PCNX1: variants seen among roughly 807,000 people sequenced by gnomAD.
The protein encoded by PCNX1 is pecanex-like protein 1.
In PCNX1, 78 loss-of-function variants were observed where a neutral mutation model predicts 242.2. The ratio of observed to expected loss-of-function variants is 0.32; its 90% CI spans 0.27 to 0.39. The LOEUF (loss-of-function observed/expected upper bound fraction) is 0.39, where lower values mean the gene tolerates loss of function less well. Ranked by LOEUF, PCNX1 falls within the 10% of genes least tolerant of loss-of-function variation. The pLI is 1.00. For missense variants in PCNX1, 2,581 were observed against 2,856.5 expected (o/e 0.90, Z 2.20); for synonymous variants, 1,024 against 1,032.9 (o/e 0.99, Z 0.17).
rs1595533468 is a variant in PCNX1 at position 71,113,232 on chromosome 14, GATA to G, written c.*3300_*3302del. On this transcript the variant is annotated 3_prime_UTR_variant, in exon 36 of 36. Coordinates refer to ENST00000304743, the MANE Select transcript of PCNX1 (RefSeq NM_014982.3). Reference sequence around the variant, plus strand: ...TTCTTTGACTTTGTTACTGGAGGATGATAATCTATTTCTATTAGATTCGAAGTA... The same window carrying G: ...TTCTTTGACTTTGTTACTGGAGGATGATCTATTTCTATTAGATTCGAAGTA... 6.6e-6 allele frequency: 1 copy of G among 152,276 alleles called. No individual in the cohort carries two copies. Among genetic ancestry groups the G allele is most frequent in the East Asian group, 1.9e-4 (1 of 5,190 alleles). The allele number at this position is 152,276 out of a possible 1,614,324, so 9.4% of individuals were successfully genotyped here.
At position 71,090,805 on chromosome 14, in the gene PCNX1, T is replaced by C. The variant is rs79277107; in HGVS notation, c.5589+1463T>C. Among the ~76,000 whole-genome samples the C allele has an allele frequency of 1.6e-4, 24 of 152,346 alleles. No homozygotes were observed. In the East Asian group the frequency reaches 4.2e-3, roughly 27 times the overall value. On this transcript the variant is annotated intron_variant, in intron 30 of 35. Transcript: ENST00000304743. ...TTAATTCTAAATGTTATCACAGATA[T>C]TTTATCTCAGCTTGTCCGAGATGAA...
At chr14:70,918,376 G>A (rs769090827) in intron 1 of PCNX1, among the ~76,000 whole-genome samples, 17 of 152,008 alleles carry the variant, frequency 1.1e-4, no homozygotes, top group African/African-American at 1.5e-4. Flanking sequence ...CTTTACTATC[G>A]TCTGTGGGCA....
At chr14:70,912,816 A>C (rs2055983819) in intron 1 of PCNX1, among the ~76,000 whole-genome samples, 1 of 152,278 alleles carries the variant, frequency 6.6e-6, no homozygotes, top group Non-Finnish European at 1.5e-5. Context: ...CTGTAGTCAC[A>C]CTGGCCTTTC....
intron 11 of PCNX1, among the ~76,000 whole-genome samples, chr14:71,015,698 T>C (rs1378654147): frequency 1.3e-5 from 2 of 152,152 alleles, no homozygotes; most frequent in Non-Finnish European, 2.9e-5. Flanking sequence ...ACAAAAGAGT[T>C]GTAGCTAATA....
intron 6 of PCNX1, among the ~76,000 whole-genome samples, chr14:70,982,247 G>A (rs1422223378): frequency 6.6e-6 from 1 of 152,122 alleles, no homozygotes; most frequent in African/African-American, 2.4e-5. Flanking sequence ...GGACTCTCAA[G>A]TCTAATAAAC....
chr14:71,036,084 A>T lies in PCNX1; in HGVS notation c.3794A>T (p.Asp1265Val). 1 of 1,603,712 alleles carries T rather than the reference A, an allele frequency of 6.2e-7. No individual in the cohort carries two copies. Among genetic ancestry groups the T allele is most frequent in the Non-Finnish European group, 8.5e-7 (1 of 1,170,666 alleles). ...RNSVSERLQS[D>V]LVVCIVIGVL... ...CCACAGAGTGAGCGATTACAGTCTG[A>T]CCTGGTAGTATGCATTGTAATTGGT... The change falls in exon 19 of 36, where the codon GAC (aspartate) becomes GTC (valine). Residue 1265 changes from aspartate (D) to valine (V), a missense_variant. Around this residue, in one of 9 missense-constraint regions of PCNX1, gnomAD observed 432 missense variants for 443.1 expected, o/e 0.97. Transcript: ENST00000304743.
At chr14:71,042,565 G>A (rs1490360353) in intron 19 of PCNX1, among the ~76,000 whole-genome samples, 1 of 151,646 alleles carries the variant, frequency 6.6e-6, no homozygotes, top group Admixed American at 6.6e-5. Context: ...GTGTTTACAG[G>A]TGAAGTTAGT....
In PCNX1 at chr14:71,013,075, G is replaced by A. The variant is rs773391708; in HGVS notation, c.2869G>A (p.Ala957Thr). Residue 957 changes from alanine (A) to threonine (T), a missense_variant, in exon 11 of 36, where the codon GCA becomes ACA. By Grantham distance (58) the Ala-to-Thr change is moderately conservative. Around this residue, in one of 9 missense-constraint regions of PCNX1, gnomAD observed 1,204 missense variants for 1,216.7 expected, o/e 0.99. Transcript: ENST00000304743. ...GGACATTGATCTAAGCCCTGACTTG[G>A]CAGCTACTTACGGCCCAACAGAAGA... is the stretch of plus-strand genomic sequence containing the variant. Reference protein sequence around the residue: ...QQDIDLSPDLAATYGPTEEAA... With the variant: ...QQDIDLSPDLTATYGPTEEAA... 1.6e-5 allele frequency: 26 copies of A among 1,613,934 alleles called. No homozygotes were observed. Among genetic ancestry groups the A allele is most frequent in the Admixed American group, 3.3e-5 (2 of 59,998 alleles).
rs112201936 is a variant in PCNX1 at position 71,030,549 on chromosome 14, A to G, written c.3558+1758A>G. On this transcript the variant is annotated intron_variant, in intron 16 of 35. Transcript: ENST00000304743. The stretch of plus-strand genomic sequence containing the variant: ...GGCACCTTCCAAGGGTGTGTGTAAG[A>G]AAACAGCGGTCCCTTTATCATGGGG... Among the ~76,000 whole-genome samples, 179 of 152,298 alleles carry G rather than the reference A, an allele frequency of 1.2e-3. 2 individuals are homozygous for G. Among genetic ancestry groups the G allele is most frequent in the Middle Eastern group, 3.4e-3 (1 of 294 alleles).
At chr14:70,957,034 T>TA (rs1408427851) in intron 2 of PCNX1, among the ~76,000 whole-genome samples, 1 of 152,066 alleles carries the variant, frequency 6.6e-6, no homozygotes, top group Non-Finnish European at 1.5e-5. Context: ...CTTGCTCTGT[T>TA]GCCCAGGCTG....
chr14:70,949,227 ATG>A (rs2057635789), intron 2 of PCNX1, among the ~76,000 whole-genome samples: 1 of 143,624 alleles, frequency 7.0e-6, no homozygotes, highest in Non-Finnish European at 1.5e-5. Flanking sequence ...ATATAGATAT[ATG>A]TATGTGTATA....
intron 1 of PCNX1, among the ~76,000 whole-genome samples, chr14:70,940,358 A>G (rs2057186766): frequency 6.6e-6 from 1 of 152,080 alleles, no homozygotes; most frequent in Non-Finnish European, 1.5e-5. Flanking sequence ...CTTGTCTGTA[A>G]AGGATTTTAT....
chr14:71,045,941 G>A (rs1193799993), intron 20 of PCNX1, among the ~76,000 whole-genome samples: 1 of 151,990 alleles, frequency 6.6e-6, no homozygotes, highest in African/African-American at 2.4e-5. Context: ...CCCATTATCT[G>A]TAATATATTG....
chr14:71,102,655 C>A (rs1383256448), intron 31 of PCNX1, among the ~76,000 whole-genome samples: 3 of 152,064 alleles, frequency 2.0e-5, no homozygotes, highest in Non-Finnish European at 4.4e-5. Context: ...TGTTTATGAG[C>A]ACTTAATTTT....
In PCNX1 at chr14:71,115,263, A is replaced by G. The variant is rs1428952923; in HGVS notation, c.*5328A>G. The G allele has an allele frequency of 6.6e-6, 1 of 152,614 alleles. No individual in the cohort carries two copies. Among genetic ancestry groups the G allele is most frequent in the Non-Finnish European group, 1.5e-5 (1 of 68,014 alleles). 9.5% of individuals were successfully genotyped at this position (152,614 alleles called of 1,614,324 possible). On this transcript the variant is annotated 3_prime_UTR_variant, in exon 36 of 36. Transcript: ENST00000304743. Reference sequence around the variant, plus strand: ...GAGTGTTATTCTGAACAGCTTGTAAATATTGTAGTTGTTTAAAATGGAAAA... The same window carrying G: ...GAGTGTTATTCTGAACAGCTTGTAAGTATTGTAGTTGTTTAAAATGGAAAA...
intron 28 of PCNX1, among the ~76,000 whole-genome samples, chr14:71,085,136 C>T (rs890699780): frequency 6.6e-6 from 1 of 152,184 alleles, no homozygotes; most frequent in African/African-American, 2.4e-5. Context: ...TGAGGCAACG[C>T]CCCACCCTGC....
rs2060907282 is a variant in PCNX1 at position 71,047,846 on chromosome 14, G to C, written c.4200G>C (p.Leu1400Phe). The change falls in exon 22 of 36, where the codon TTG (leucine) becomes TTC (phenylalanine). Residue 1400 changes from leucine to phenylalanine, a missense_variant. Coordinates refer to ENST00000304743, the MANE Select transcript of PCNX1 (RefSeq NM_014982.3). ...ALMITVAGLK[L>F]LRSSFSSPTY... ...TGATCACTGTTGCTGGTTTGAAGTT[G>C]CTACGATCCTCTTTTAGCAGCCCTA... 6.2e-7 allele frequency: 1 copy of C among 1,612,672 alleles called. No homozygotes were observed. The highest frequency in any genetic ancestry group is 1.7e-5 in the Admixed American group (1 of 59,960).
At chr14:71,040,116 C>T (rs556780803) in intron 19 of PCNX1, among the ~76,000 whole-genome samples, 2 of 152,148 alleles carry the variant, frequency 1.3e-5, no homozygotes, top group African/African-American at 4.8e-5. Context: ...CCTGCCTCCT[C>T]TCCAGTTTAA....
intron 6 of PCNX1, among the ~76,000 whole-genome samples, chr14:70,980,741 A>G (rs1291889690): frequency 6.6e-6 from 1 of 152,156 alleles, no homozygotes; most frequent in African/African-American, 2.4e-5. Context: ...TTATGTTAAC[A>G]TTATCTGTTA....
Sources: gnomAD v4.1 joint callset for allele counts (sites outside exome capture counted in the v4.1 genomes callset) on GRCh38, gnomAD v4.1.1 for gene constraint, gnomAD v4.1.1 regional missense constraint, MANE v1.5 for transcripts, NCBI Gene and HGNC (gene_info 2026-07-23, HGNC 2026-07-21) for gene names.